Variants in ATF6 observed in about 807,000 individuals in gnomAD.
The protein encoded by ATF6 is activating transcription factor 6, also known as cyclic AMP-dependent transcription factor ATF-6 alpha.
ATF6 carries 53 observed loss-of-function variants against 83.6 expected under a neutral mutation model. The observed-to-expected ratio is 0.63, with a 90% CI of 0.51 to 0.80. The LOEUF (loss-of-function observed/expected upper bound fraction) is 0.80, where lower values mean the gene tolerates loss of function less well. Among genes scored for constraint, ATF6 ranks in the 30% least tolerant of loss-of-function variants. The pLI is 0.00. For missense variants in ATF6, 744 were observed against 797.9 expected, an observed-to-expected ratio of 0.93 and a Z score of 0.81; for synonymous variants, 288 against 285.8, an observed-to-expected ratio of 1.01 and a Z score of -0.08.
chr1:161,790,394 A>G (rs115505566), intron 4 of ATF6, among the ~76,000 whole-genome samples: 1,983 of 152,250 alleles, frequency 0.013, 49 homozygotes, highest in African/African-American at 0.044. Flanking sequence ...TGCTACTTCT[A>G]TGTTGTTTCT....
At chr1:161,800,381 A>G (rs1043880260) in intron 6 of ATF6, among the ~76,000 whole-genome samples, 7 of 152,210 alleles carry the variant, frequency 4.6e-5, no homozygotes, top group Non-Finnish European at 8.8e-5. Flanking sequence ...CCAAGTTTGC[A>G]TACAGTGAAC....
At chr1:161,789,304 A>G (rs1684826469) in intron 4 of ATF6, among the ~76,000 whole-genome samples, 1 of 124,616 alleles carries the variant, frequency 8.0e-6, no homozygotes, top group South Asian at 2.4e-4. Flanking sequence ...CCATCTCACT[A>G]CCAGCTTCTC....
chr1:161,905,356 C>T (rs915364214), intron 14 of ATF6, among the ~76,000 whole-genome samples: 2 of 152,082 alleles, frequency 1.3e-5, no homozygotes, highest in African/African-American at 4.8e-5. Context: ...TAATGATTCT[C>T]CTATATATCT....
In ATF6 at chr1:161,821,092, G is replaced by C. The variant is rs765524240; in HGVS notation, c.1118G>C (p.Ser373Thr). 29 of 1,612,754 alleles carry C rather than the reference G, an allele frequency of 1.8e-5. No homozygotes were observed. Among genetic ancestry groups the C allele is most frequent in the Non-Finnish European group, 2.3e-5 (27 of 1,179,320 alleles). Residue 373 changes from serine to threonine, a missense_variant, in exon 9 of 16, where the codon AGT becomes ACT. By Grantham distance (58) the Ser-to-Thr change is moderately conservative. Transcript: ENST00000367942. Reference sequence around the variant, plus strand: ...TAGAACCAGAGGCTTAAAGTCCCTAGTCCAAAGCGAAGAGTTGTCTGTGTG... The same window carrying C: ...TAGAACCAGAGGCTTAAAGTCCCTACTCCAAAGCGAAGAGTTGTCTGTGTG... ...VSENQRLKVPSPKRRVVCVMI... is the reference protein window; with the variant it reads ...VSENQRLKVPTPKRRVVCVMI...
chr1:161,902,613 G>GA (rs1239667803), intron 14 of ATF6, among the ~76,000 whole-genome samples: 1 of 152,116 alleles, frequency 6.6e-6, no homozygotes, highest in Non-Finnish European at 1.5e-5. Flanking sequence ...CCTCCTTAGG[G>GA]AAAAAACTAG....
chr1:161,833,386 C>G (rs1686122633), intron 9 of ATF6, among the ~76,000 whole-genome samples: 3 of 152,116 alleles, frequency 2.0e-5, no homozygotes, highest in South Asian at 2.1e-4. Context: ...TCACCCGCAA[C>G]AGAACAAAGC....
At position 161,883,297 on chromosome 1, in the gene ATF6, A is replaced by G. The variant is rs112306260; in HGVS notation, c.1719+19985A>G. Among the ~76,000 whole-genome samples, 1,229 of 152,072 alleles carry G rather than the reference A, an allele frequency of 8.1e-3. 6 individuals carry two copies. Among genetic ancestry groups the G allele is most frequent in the Non-Finnish European group, 0.011 (736 of 67,840 alleles). ...AGAAAGATAGCTAGAATCTCTCTCA[A>G]TAGTCTATATAATCTCTTCTAATAA... On this transcript the variant is annotated intron_variant, in intron 14 of 15. Transcript: ENST00000367942.
chr1:161,791,957 C>G (rs1200798515), intron 5 of ATF6, among the ~76,000 whole-genome samples, 167 bp from the exon 6 acceptor site: 2 of 152,202 alleles, frequency 1.3e-5, no homozygotes, highest in Non-Finnish European at 2.9e-5. Context: ...AAGTACTTTT[C>G]TTCAGTTCAT....
At chr1:161,908,886 G>A (rs1294350470) in intron 14 of ATF6, among the ~76,000 whole-genome samples, 1 of 152,094 alleles carries the variant, frequency 6.6e-6, no homozygotes, top group African/African-American at 2.4e-5. Context: ...TCCTTCACTA[G>A]TTCCTTAATA....
chr1:161,871,673 C>G (rs1687126952), intron 14 of ATF6, among the ~76,000 whole-genome samples: 1 of 151,526 alleles, frequency 6.6e-6, no homozygotes, highest in Admixed American at 6.6e-5. Flanking sequence ...TAGGTACAGA[C>G]CCTAGGAACC....
chr1:161,878,656 C>T (rs1341253083), intron 14 of ATF6, among the ~76,000 whole-genome samples: 2 of 151,888 alleles, frequency 1.3e-5, no homozygotes, highest in African/African-American at 4.8e-5. Context: ...GCAAAGGAGA[C>T]TAAATAGGAG....
At chr1:161,768,618 C>T (rs1312302053) in intron 1 of ATF6, among the ~76,000 whole-genome samples, 9 of 152,082 alleles carry the variant, frequency 5.9e-5, no homozygotes, top group Admixed American at 1.3e-4. Flanking sequence ...GGCTGGAGTG[C>T]GGTGATGCAA....
intron 2 of ATF6, among the ~76,000 whole-genome samples, chr1:161,780,882 G>A (rs1264398379): frequency 6.6e-6 from 1 of 151,922 alleles, no homozygotes; most frequent in African/African-American, 2.4e-5. Flanking sequence ...GCTAGTGTTT[G>A]TATTTTTTTT....
chr1:161,907,320 A>C (rs1687895442), intron 14 of ATF6, among the ~76,000 whole-genome samples: 1 of 152,186 alleles, frequency 6.6e-6, no homozygotes. Context: ...ATTTAATACA[A>C]AGCTGTTTTT....
In ATF6 at chr1:161,960,231, C is replaced by G. The variant is rs1689071398; in HGVS notation, c.*1577C>G. 6.6e-6 allele frequency: 1 copy of G among 152,192 alleles called. No homozygotes were observed. The highest frequency in any genetic ancestry group is 2.1e-4 in the South Asian group (1 of 4,836). 9.4% of individuals were successfully genotyped at this position (152,192 alleles called of 1,614,324 possible). The stretch of plus-strand genomic sequence containing the variant: ...TCTCTAATGTTCTACCTTTCAGTTT[C>G]TAAAGTGAGTCTTCCTCCCTCTCCT... On this transcript the variant is annotated 3_prime_UTR_variant, in exon 16 of 16. Coordinates refer to ENST00000367942, the MANE Select transcript of ATF6 (RefSeq NM_007348.4).
In ATF6 at chr1:161,779,108, G is replaced by A. The variant is rs139362860; in HGVS notation, c.159+788G>A. ...CATTAATCGACAGAAGAGAATGAAG[G>A]ACATGATATATTTTAAAAAATCAGT... On this transcript the variant is annotated intron_variant, in intron 2 of 15. Transcript: ENST00000367942. Among the ~76,000 whole-genome samples the A allele has an allele frequency of 4.9e-4, 75 of 152,248 alleles. No individual in the cohort carries two copies. The Middle Eastern group carries it at 0.014, about 28-fold the overall frequency.
intron 7 of ATF6, among the ~76,000 whole-genome samples, chr1:161,815,970 A>G (rs1685601928): frequency 6.6e-6 from 1 of 152,184 alleles, no homozygotes; most frequent in South Asian, 2.1e-4. Context: ...ACTAAAAACA[A>G]AATGTGGACG....
At chr1:161,898,537 TTTTTTGTTTTTG>T (rs1687721132) in intron 14 of ATF6, among the ~76,000 whole-genome samples, 1 of 151,876 alleles carries the variant, frequency 6.6e-6, no homozygotes. Context: ...TGTGTGTGTT[TTTTTTGTTTTTG>T]TTTTTGTTTT....
chr1:161,771,640 C>A (rs889992987), intron 1 of ATF6, among the ~76,000 whole-genome samples: 1 of 151,982 alleles, frequency 6.6e-6, no homozygotes, highest in South Asian at 2.1e-4. Flanking sequence ...GGGTCTTGTT[C>A]TCTTGCCCAG....
Sources: allele counts gnomAD v4.1 joint callset (sites outside exome capture counted in the v4.1 genomes callset), GRCh38; gene constraint gnomAD v4.1.1; transcripts MANE v1.5; gene names NCBI Gene and HGNC (gene_info 2026-07-23, HGNC 2026-07-21).